The following GALNTL5 variants were observed in gnomAD, a reference collection of about 807,000 sequenced individuals.
The protein encoded by GALNTL5 is polypeptide N-acetylgalactosaminyltransferase like 5, also known as inactive polypeptide N-acetylgalactosaminyltransferase-like protein 5.
Under a neutral mutation model 51.0 loss-of-function variants are expected in GALNTL5, and 44 were observed. The ratio of observed to expected loss-of-function variants is 0.86; its 90% CI spans 0.68 to 1.11. The LOEUF (loss-of-function observed/expected upper bound fraction) is 1.11, where lower values mean the gene tolerates loss of function less well. Ranked by LOEUF, GALNTL5 falls within the 50% of genes least tolerant of loss-of-function variation. GALNTL5 has a pLI of 0.00. For missense variants in GALNTL5, 528 were observed against 531.8 expected, an observed-to-expected ratio of 0.99 and a Z score of 0.07; for synonymous variants, 192 against 182.8, an observed-to-expected ratio of 1.05 and a Z score of -0.41.
intron 3 of GALNTL5, among the ~76,000 whole-genome samples, chr7:151,972,361 G>A (rs1321282225): frequency 6.6e-6 from 1 of 152,164 alleles, no homozygotes; most frequent in Non-Finnish European, 1.5e-5. Context: ...AAAATTTGCA[G>A]GTGACTATGT....
At position 151,982,987 on chromosome 7, in the gene GALNTL5, T is replaced by C. The variant is rs6960270; in HGVS notation, c.370T>C (p.Cys124Arg). ...REVPDTRSKM[C>R]LQKHYPARLP... ...TCTTCATATTGCTTCTGCCTGCAGG[T>C]GTCTTCAAAAACATTACCCAGCCCG... Residue 124 changes from cysteine to arginine, a missense_variant and splice_region_variant, in exon 4 of 9, where the codon TGT becomes CGT. Coordinates refer to ENST00000392800, the MANE Select transcript of GALNTL5 (RefSeq NM_145292.4). 1,369,655 of 1,613,812 alleles carry C rather than the reference T, an allele frequency of 0.85. 582,392 individuals carry two copies. The highest frequency in any genetic ancestry group is 0.88 in the Admixed American group (53,014 of 60,004).
At chr7:151,989,730 C>T (rs1053180012) in intron 5 of GALNTL5, among the ~76,000 whole-genome samples, 5 of 152,246 alleles carry the variant, frequency 3.3e-5, no homozygotes, top group Admixed American at 3.3e-4. Context: ...TCTCTGCAGC[C>T]AGAGATGAAT....
intron 5 of GALNTL5, among the ~76,000 whole-genome samples, chr7:151,996,849 C>G (rs867325548): frequency 6.7e-6 from 1 of 150,214 alleles, no homozygotes; most frequent in African/African-American, 2.4e-5. Context: ...TTGTAGAGAC[C>G]AAACTGAGAA....
chr7:152,003,161 A>G (rs565666807), intron 6 of GALNTL5, among the ~76,000 whole-genome samples, 198 bp downstream of exon 6: 1 of 152,318 alleles, frequency 6.6e-6, no homozygotes, highest in South Asian at 2.1e-4. Context: ...GTGATATGAT[A>G]TTTATCTTCA....
intron 5 of GALNTL5, among the ~76,000 whole-genome samples, chr7:151,999,666 T>C (rs2081546500): frequency 6.6e-6 from 1 of 152,136 alleles, no homozygotes; most frequent in South Asian, 2.1e-4. Flanking sequence ...GAGAACCAGA[T>C]GTTATTTTTC....
chr7:151,987,142 G>A lies in GALNTL5; in HGVS notation c.536-17G>A, dbSNP rs200836819. The stretch of plus-strand genomic sequence containing the variant: ...AGTTGCCGTTTATACATTCTCATGT[G>A]TTGAATATTTTTCCAGATGATTTGA... On this transcript the variant is annotated splice_polypyrimidine_tract_variant and intron_variant, in intron 4 of 8. Transcript: ENST00000392800. 1.2e-4 allele frequency: 187 copies of A among 1,581,918 alleles called. No homozygotes were observed. Among genetic ancestry groups the A allele is most frequent in the Non-Finnish European group, 1.6e-4 (182 of 1,165,544 alleles).
chr7:152,005,105 C>T (rs1040088262), intron 6 of GALNTL5, among the ~76,000 whole-genome samples: 16 of 152,192 alleles, frequency 1.1e-4, no homozygotes, highest in Non-Finnish European at 1.9e-4. Flanking sequence ...TCCTCATCCT[C>T]GCCAGCATCT....
intron 6 of GALNTL5, among the ~76,000 whole-genome samples, chr7:152,003,417 G>A (rs183062648): frequency 6.6e-6 from 1 of 152,308 alleles, no homozygotes; most frequent in Non-Finnish European, 1.5e-5. Context: ...GTCTGGAATT[G>A]TACATTAAGA....
chr7:151,957,317 A>G (rs1195499315), intron 1 of GALNTL5, among the ~76,000 whole-genome samples: 2 of 151,282 alleles, frequency 1.3e-5, no homozygotes, highest in African/African-American at 4.9e-5. Context: ...GCCAAGGCAG[A>G]AGGATCACTT....
chr7:152,008,044 T>C, intron 7 of GALNTL5, 100 bp downstream of exon 7: 2 of 704,694 alleles, frequency 2.8e-6, no homozygotes, highest in Non-Finnish European at 2.5e-6. Context: ...TACATGAACA[T>C]CCAGTACCAT....
At chr7:151,990,007 T>G (rs2081407686) in intron 5 of GALNTL5, among the ~76,000 whole-genome samples, 1 of 152,190 alleles carries the variant, frequency 6.6e-6, no homozygotes, top group Admixed American at 6.5e-5. Context: ...CTATCTTTTC[T>G]TCTCCTCTGG....
At chr7:152,008,862 A>T (rs1007153808) in intron 7 of GALNTL5, among the ~76,000 whole-genome samples, 1 of 151,914 alleles carries the variant, frequency 6.6e-6, no homozygotes, top group Non-Finnish European at 1.5e-5. Context: ...TTGTTTTATT[A>T]TATTGCACTC....
chr7:151,989,304 C>T (rs112738535), intron 5 of GALNTL5, among the ~76,000 whole-genome samples: 313 of 151,972 alleles, frequency 2.1e-3, no homozygotes, highest in African/African-American at 7.2e-3. Context: ...GTGGGCGCCA[C>T]CACACCCAGC....
intron 1 of GALNTL5, among the ~76,000 whole-genome samples, chr7:151,965,027 C>G (rs1370845266): frequency 6.6e-6 from 1 of 152,160 alleles, no homozygotes; most frequent in Non-Finnish European, 1.5e-5. Context: ...GAGGCTCAGC[C>G]TCTACCAGTC....
At chr7:151,979,475 G>T (rs1449139968) in intron 3 of GALNTL5, among the ~76,000 whole-genome samples, 1 of 150,082 alleles carries the variant, frequency 6.7e-6, no homozygotes. Context: ...GGTGGGGGGA[G>T]GGGGGCAGAG....
chr7:152,013,104 T>C (rs962507139), intron 7 of GALNTL5, among the ~76,000 whole-genome samples: 1 of 152,146 alleles, frequency 6.6e-6, no homozygotes, highest in African/African-American at 2.4e-5. Flanking sequence ...AACGGAAGAC[T>C]AAATACTGCA....
rs978909846 is a variant in GALNTL5 at position 151,980,847 on chromosome 7, G to A, written c.369-2139G>A. Among the ~76,000 whole-genome samples, 18 of 133,438 alleles carry A rather than the reference G, an allele frequency of 1.3e-4. 1 individual carries two copies. Among genetic ancestry groups the A allele is most frequent in the Admixed American group, 3.3e-4 (4 of 12,220 alleles). The allele number at this position is 133,438 out of a possible 152,430, so 87.5% of individuals were successfully genotyped here. ...TGCAAGCTCCGCCTCCTGGGTTCAC[G>A]CCATTCTCCTGCCTCAGCCTCCCAA... On this transcript the variant is annotated intron_variant, in intron 3 of 8. Transcript: ENST00000392800.
chr7:152,019,495 G>A, intron 8 of GALNTL5, 151 bp from the exon 9 acceptor site: 1 of 653,032 alleles, frequency 1.5e-6, no homozygotes, highest in Non-Finnish European at 2.6e-6. Flanking sequence ...GTATGTCTCT[G>A]CCTTCATTCC....
At chr7:151,981,253 AG>A (rs2081281590) in intron 3 of GALNTL5, among the ~76,000 whole-genome samples, 1 of 152,208 alleles carries the variant, frequency 6.6e-6, no homozygotes, top group South Asian at 2.1e-4. Flanking sequence ...GAAAAAGCCC[AG>A]GTGCAGAGGA....
Sources: gnomAD v4.1 joint callset for allele counts (sites outside exome capture counted in the v4.1 genomes callset) on GRCh38, gnomAD v4.1.1 for gene constraint, MANE v1.5 for transcripts, NCBI Gene and HGNC (gene_info 2026-07-23, HGNC 2026-07-21) for gene names.